Variants in EIF3E observed in about 807,000 individuals in gnomAD.
EIF3E encodes the protein eIF-3 p48.
A neutral mutation model predicts 59.3 loss-of-function variants in EIF3E; 25 were observed. The observed-to-expected ratio is 0.42, with a 90% confidence interval of 0.31 to 0.59. The LOEUF is 0.59. EIF3E is among the 20% of genes least tolerant of loss of function. The pLI, the probability that EIF3E is intolerant of heterozygous loss-of-function variation, is 0.15. For missense variants in EIF3E, 317 were observed against 534.3 expected (o/e 0.59, Z 4.01); for synonymous variants, 176 against 170.2 (o/e 1.03, Z -0.26).
intron 12 of EIF3E, among the ~76,000 whole-genome samples, chr8:108,202,145 T>C (rs1815005517): frequency 6.6e-6 from 1 of 151,988 alleles, no homozygotes; most frequent in Non-Finnish European, 1.5e-5. Flanking sequence ...TTAAAATATA[T>C]AGCAATAACA....
At chr8:108,208,449 A>G (rs1276093275) in intron 10 of EIF3E, among the ~76,000 whole-genome samples, 2 of 152,144 alleles carry the variant, frequency 1.3e-5, no homozygotes, top group Non-Finnish European at 2.9e-5. Context: ...GATTGGGAGG[A>G]AACAGGACAA....
In EIF3E at chr8:108,201,902, C is replaced by A; in HGVS notation, c.1321G>T (p.Asp441Tyr). The A allele has an allele frequency of 6.4e-7, 1 of 1,573,356 alleles. No homozygotes were observed. ...RSEAPNWATQ[D>Y]SGFY ...ATGGTTCTTCAGTAGAAGCCAGAAT[C>A]TTGAGTTGCCCAGTTAGGAGCCTAA... Residue 441 changes from aspartate to tyrosine, a missense_variant, in exon 13 of 13, where the codon GAT becomes TAT. Around this residue, in one of 4 missense-constraint regions of EIF3E, gnomAD observed 45 missense variants for 97.8 expected, o/e 0.46. Transcript: ENST00000220849.
intron 3 of EIF3E, among the ~76,000 whole-genome samples, chr8:108,238,950 A>G (rs150256856): frequency 2.6e-4 from 39 of 152,330 alleles, no homozygotes; most frequent in African/African-American, 9.4e-4. Context: ...GACATGTACT[A>G]CGTCAGACTA....
At chr8:108,227,280 T>C (rs900290602) in intron 7 of EIF3E, 2 of 151,928 alleles carry the variant, frequency 1.3e-5, no homozygotes, top group East Asian at 1.9e-4. Flanking sequence ...GGCAAGATAA[T>C]GCCGCTGCAC....
chr8:108,201,831 T>C lies in EIF3E; in HGVS notation c.*54A>G. ...TAAGTCACCCTTTATATAATAGTTT[T>C]ATTATTTCATCTTTCTTTGATAGTT... On this transcript the variant is annotated 3_prime_UTR_variant, in exon 13 of 13. Transcript: ENST00000220849. The C allele has an allele frequency of 7.2e-7, 1 of 1,387,110 alleles. No homozygotes were observed. Among genetic ancestry groups the C allele is most frequent in the East Asian group, 2.6e-5 (1 of 37,792 alleles). The allele number at this position is 1,387,110 out of a possible 1,614,324, so 85.9% of individuals were successfully genotyped here.
chr8:108,219,219 T>C (rs1049846151), intron 7 of EIF3E, among the ~76,000 whole-genome samples: 1 of 152,376 alleles, frequency 6.6e-6, no homozygotes, highest in East Asian at 1.9e-4. Flanking sequence ...CCTGAGTTTA[T>C]ACCATTGCTC....
rs1563624513 is a variant in EIF3E at position 108,201,267 on chromosome 8, C to CATATATATATA, written c.*617_*618insTATATATATAT. 5.5e-5 allele frequency: 7 copies of CATATATATATA among 126,538 alleles called. No homozygotes were observed. The highest frequency in any genetic ancestry group is 2.1e-4 in the African/African-American group (6 of 28,186). The allele number at this position is 126,538 out of a possible 1,614,324, so 7.8% of individuals were successfully genotyped here. A position where few individuals can be genotyped will look rare whatever the true frequency, so the allele number is the denominator to read the frequency against. On this transcript the variant is annotated 3_prime_UTR_variant, in exon 13 of 13. Coordinates refer to ENST00000220849, the MANE Select transcript of EIF3E (RefSeq NM_001568.3). ...CTACTGATCATATATATATATATAT[C>CATATATATATA]TATCTCTCAACTTGGATGGCTCTCA...
Position 108,203,124 on chromosome 8 carries a change from G to A in EIF3E, c.1165-7C>T. 1 of 1,607,712 alleles carries A rather than the reference G, an allele frequency of 6.2e-7. No homozygotes were observed. Among genetic ancestry groups the A allele is most frequent in the Non-Finnish European group, 8.5e-7 (1 of 1,177,738 alleles). ...TACCCATAACCACATGACCCTAAAA[G>A]GAAACACAGGGAAATTGATCCTATA... On this transcript the variant is annotated splice_polypyrimidine_tract_variant and splice_region_variant and intron_variant, in intron 11 of 12. Coordinates refer to ENST00000220849, the MANE Select transcript of EIF3E (RefSeq NM_001568.3).
chr8:108,242,482 T>C, intron 1 of EIF3E: 1 of 1,238,396 alleles, frequency 8.1e-7, no homozygotes, highest in South Asian at 1.4e-5. Flanking sequence ...TGAAGTGTAC[T>C]GAGTAATATG....
intron 1 of EIF3E, 88 bp downstream of exon 1, chr8:108,248,525 C>T (rs1815993672): frequency 7.5e-7 from 1 of 1,336,326 alleles, no homozygotes; most frequent in Non-Finnish European, 1.0e-6. Context: ...TCGCACGTGT[C>T]AGGCCTAGGA....
chr8:108,212,727 G>C (rs35021290), intron 10 of EIF3E, among the ~76,000 whole-genome samples: 2 of 152,074 alleles, frequency 1.3e-5, no homozygotes, highest in Admixed American at 1.3e-4. Context: ...TCTTGAACGC[G>C]AGAGGCAGAG....
chr8:108,217,465 GA>G lies in EIF3E; in HGVS notation c.723-6del. Reference sequence around the variant, plus strand: ...GTCTGAATTGCATTAAGATATCTAAGAAAAAATATAAAAGTTATTTAATAAC... The same window carrying G: ...GTCTGAATTGCATTAAGATATCTAAGAAAAATATAAAAGTTATTTAATAAC... On this transcript the variant is annotated splice_region_variant and splice_polypyrimidine_tract_variant and intron_variant, in intron 7 of 12. Coordinates refer to ENST00000220849, the MANE Select transcript of EIF3E (RefSeq NM_001568.3). 6.3e-7 allele frequency: 1 copy of G among 1,584,954 alleles called. No homozygotes were observed. Among genetic ancestry groups the G allele is most frequent in the Non-Finnish European group, 8.6e-7 (1 of 1,168,790 alleles).
intron 10 of EIF3E, among the ~76,000 whole-genome samples, chr8:108,206,159 C>A: frequency 6.6e-6 from 1 of 151,958 alleles, no homozygotes; most frequent in South Asian, 2.1e-4. Context: ...AAATACCAAC[C>A]GTGTTAGATG....
At chr8:108,239,898 T>C (rs1815803802) in intron 3 of EIF3E, 60 bp downstream of exon 3, 8 of 1,314,674 alleles carry the variant, frequency 6.1e-6, no homozygotes, top group Non-Finnish European at 8.8e-6. Flanking sequence ...AAGTTTGAAT[T>C]AACATTTGTA....
chr8:108,240,320 G>T (rs1043092479), intron 2 of EIF3E, among the ~76,000 whole-genome samples: 10 of 152,086 alleles, frequency 6.6e-5, no homozygotes, highest in African/African-American at 2.2e-4. Flanking sequence ...GGAAACTAGA[G>T]AATATACAGC....
intron 4 of EIF3E, among the ~76,000 whole-genome samples, chr8:108,235,401 C>T (rs745484684): frequency 6.6e-6 from 1 of 152,150 alleles, no homozygotes. Context: ...TAGCTGGATT[C>T]GCATAAGGAG....
chr8:108,225,409 C>T (rs1360042574), intron 7 of EIF3E, among the ~76,000 whole-genome samples: 1 of 151,318 alleles, frequency 6.6e-6, no homozygotes, highest in East Asian at 1.9e-4. Context: ...ACTGGAATAC[C>T]TGCATAACTC....
intron 3 of EIF3E, among the ~76,000 whole-genome samples, chr8:108,238,797 C>A (rs976525984): frequency 6.6e-6 from 1 of 152,124 alleles, no homozygotes; most frequent in Non-Finnish European, 1.5e-5. Flanking sequence ...ACATAGAAAT[C>A]AAAGGTATAG....
Position 108,204,760 on chromosome 8 carries a change from G to GAGAGAGAGAGAGAGAGAGAGAC in EIF3E, c.1062-1279_1062-1258dup, listed in dbSNP as rs1369068848. On this transcript the variant is annotated intron_variant, in intron 10 of 12. Coordinates refer to ENST00000220849, the MANE Select transcript of EIF3E (RefSeq NM_001568.3). ...ATATATATATATAGAGAGAGAGAGA[G>GAGAGAGAGAGAGAGAGAGAGAC]AGAGAGAGAGAGAGAGAGAGACAGA... 3.1e-5 allele frequency among the ~76,000 whole-genome samples: 4 copies of GAGAGAGAGAGAGAGAGAGAGAC among 130,980 alleles called. No homozygotes were observed. The East Asian group carries it at 8.4e-4, about 27-fold the overall frequency. 85.9% of individuals were successfully genotyped at this position (130,980 alleles called of 152,430 possible).
Sources: gnomAD v4.1 joint callset for allele counts (sites outside exome capture counted in the v4.1 genomes callset) on GRCh38, gnomAD v4.1.1 for gene constraint, gnomAD v4.1.1 regional missense constraint, MANE v1.5 for transcripts, NCBI Gene and HGNC (gene_info 2026-07-23, HGNC 2026-07-21) for gene names.